ZBBX: variants seen among roughly 807,000 people sequenced by gnomAD.
ZBBX encodes the protein zinc finger B-box domain-containing protein 1.
In ZBBX, 101 loss-of-function variants were observed where a neutral mutation model predicts 108.5. The observed-to-expected ratio is 0.93, with a 90% confidence interval of 0.79 to 1.10. The LOEUF is 1.10. ZBBX is among the 50% of genes least tolerant of loss of function. The pLI, the probability that ZBBX is intolerant of heterozygous loss-of-function variation, is 0.00. For missense variants in ZBBX, 1,009 were observed against 941.4 expected (o/e 1.07, Z -0.94); for synonymous variants, 356 against 323.4 (o/e 1.10, Z -1.08).
the ZBBX span, among the ~76,000 whole-genome samples, chr3:167,191,934 T>TATATATATATAGAG: frequency 3.8e-5 from 5 of 130,222 alleles, no homozygotes; most frequent in Admixed American, 7.7e-5. Flanking sequence ...TATATATATA[T>TATATATATATAGAG]AGAGCAAGTT....
chr3:167,326,477 T>A (rs2108352123), intron 11 of ZBBX, among the ~76,000 whole-genome samples: 1 of 152,256 alleles, frequency 6.6e-6, no homozygotes, highest in East Asian at 1.9e-4. Flanking sequence ...TTATTTCCAT[T>A]ATGAAGAACA....
At chr3:167,204,858 A>C in the ZBBX span, among the ~76,000 whole-genome samples, 1 of 152,094 alleles carries the variant, frequency 6.6e-6, no homozygotes, top group Non-Finnish European at 1.5e-5. Flanking sequence ...GGTCTGTGAT[A>C]AATACTTGAG....
intron 17 of ZBBX, among the ~76,000 whole-genome samples, chr3:167,301,509 T>C (rs1353557900): frequency 2.0e-5 from 3 of 152,244 alleles, no homozygotes; most frequent in African/African-American, 4.8e-5. Context: ...GTCAGATTCA[T>C]AGTTCATTAA....
At chr3:167,191,202 C>T in the ZBBX span, among the ~76,000 whole-genome samples, 1 of 152,196 alleles carries the variant, frequency 6.6e-6, no homozygotes, top group Non-Finnish European at 1.5e-5. Context: ...TCAAGAGAAA[C>T]AATCTGTCTC....
In ZBBX at chr3:167,252,320, G is replaced by A. The variant is rs887941408; in HGVS notation, c.2255-9677C>T. ...TATAAGCATCCAGTGGTGTGGAGGT[G>A]TATGTCTGAGAGCAAACCTCATGAA... is the stretch of plus-strand genomic sequence containing the variant. On this transcript the variant is annotated intron_variant, in intron 20 of 21. Transcript: ENST00000675490. The A allele has an allele frequency of 8.1e-6, 5 of 616,188 alleles. No homozygotes were observed. The Admixed American group carries it at 1.5e-4, about 18-fold the overall frequency. 38.2% of individuals were successfully genotyped at this position (616,188 alleles called of 1,614,324 possible). A position where few individuals can be genotyped will look rare whatever the true frequency, so the allele number is the denominator to read the frequency against.
chr3:167,268,778 T>C (rs1726021819), intron 20 of ZBBX, among the ~76,000 whole-genome samples: 1 of 152,180 alleles, frequency 6.6e-6, no homozygotes, highest in African/African-American at 2.4e-5. Context: ...TCAATAAGTA[T>C]ATGTTAGAAG....
chr3:167,282,949 T>C (rs1576885142), intron 19 of ZBBX, among the ~76,000 whole-genome samples: 1 of 152,236 alleles, frequency 6.6e-6, no homozygotes, highest in Non-Finnish European at 1.5e-5. Context: ...TTTTACTTGA[T>C]GATATGTAAT....
At chr3:167,342,811 AC>A (rs1473211835) in intron 9 of ZBBX, among the ~76,000 whole-genome samples, 2 of 151,016 alleles carry the variant, frequency 1.3e-5, no homozygotes, top group African/African-American at 4.9e-5. Context: ...AAAAAAAAAA[AC>A]AACAAGGGAC....
At chr3:167,371,472 C>T (rs1045226589) in intron 4 of ZBBX, among the ~76,000 whole-genome samples, 22 of 152,192 alleles carry the variant, frequency 1.4e-4, no homozygotes, top group African/African-American at 5.3e-4. Flanking sequence ...TCACACCATG[C>T]TTCATTCTAT....
intron 5 of ZBBX, among the ~76,000 whole-genome samples, chr3:167,366,245 C>T (rs1745294094): frequency 6.6e-6 from 1 of 151,788 alleles, no homozygotes; most frequent in Non-Finnish European, 1.5e-5. Flanking sequence ...TTGATATTCA[C>T]AATGACTAAA....
At chr3:167,348,368 G>GAAA (rs1222677422) in intron 9 of ZBBX, among the ~76,000 whole-genome samples, 8 of 111,586 alleles carry the variant, frequency 7.2e-5, no homozygotes, top group South Asian at 2.8e-4. Flanking sequence ...AAGAAAGAAA[G>GAAA]AAAAAAAAGA....
At chr3:167,293,502 T>C (rs148653579) in intron 18 of ZBBX, among the ~76,000 whole-genome samples, 7,684 of 152,270 alleles carry the variant, frequency 0.05, 534 homozygotes, top group African/African-American at 0.15. Flanking sequence ...CAGCACTTCA[T>C]GCTAAAATCT....
the ZBBX span, among the ~76,000 whole-genome samples, chr3:167,219,606 ATAT>A: frequency 6.6e-6 from 1 of 151,956 alleles, no homozygotes; most frequent in Non-Finnish European, 1.5e-5. Flanking sequence ...ATACAAAAAC[ATAT>A]TAGATACAGC....
intron 1 of ZBBX, among the ~76,000 whole-genome samples, chr3:167,402,598 G>GA (rs565857244): frequency 3.8e-4 from 57 of 151,958 alleles, no homozygotes; most frequent in African/African-American, 1.3e-3. Flanking sequence ...ACGCGCAAGG[G>GA]AAAAAAATCA....
chr3:167,305,596 G>A (rs754775386), intron 17 of ZBBX, 47 bp downstream of exon 17: 9 of 1,340,012 alleles, frequency 6.7e-6, no homozygotes, highest in Non-Finnish European at 8.9e-6. Context: ...ATTTTCTTAT[G>A]AGGTTTCTTA....
intron 8 of ZBBX, among the ~76,000 whole-genome samples, chr3:167,354,799 A>G (rs1743248505): frequency 6.6e-6 from 1 of 151,968 alleles, no homozygotes; most frequent in Admixed American, 6.6e-5. Flanking sequence ...GTTTCAGCAT[A>G]TAATTCTAAG....
At chr3:167,388,888 G>A (rs935941171) in intron 1 of ZBBX, among the ~76,000 whole-genome samples, 2 of 151,906 alleles carry the variant, frequency 1.3e-5, no homozygotes, top group African/African-American at 4.8e-5. Flanking sequence ...TCTTAAATTT[G>A]CATTTCTTTT....
chr3:167,373,126 A>G, intron 3 of ZBBX, 176 bp from the exon 4 acceptor site: 1 of 422,472 alleles, frequency 2.4e-6, no homozygotes, highest in Non-Finnish European at 4.2e-6. Context: ...TCAGCCACAT[A>G]TCAACCAGAT....
intron 20 of ZBBX, among the ~76,000 whole-genome samples, chr3:167,246,800 C>T (rs116398241): frequency 0.014 from 2,124 of 152,204 alleles, 27 homozygotes; most frequent in South Asian, 0.026. Context: ...ATATGTTAAG[C>T]TCATCAAGGA....
Sources: allele counts gnomAD v4.1 joint callset (sites outside exome capture counted in the v4.1 genomes callset), GRCh38; gene constraint gnomAD v4.1.1; transcripts MANE v1.5; gene names NCBI Gene and HGNC (gene_info 2026-07-23, HGNC 2026-07-21).